Variants in SACS observed in about 807,000 individuals in gnomAD.
SACS encodes sacsin molecular chaperone, also known as sacsin.
Under a neutral mutation model 348.0 loss-of-function variants are expected in SACS, and 197 were observed. That is an observed-to-expected ratio of 0.57 (90% CI 0.50 to 0.64). The LOEUF (loss-of-function observed/expected upper bound fraction) is 0.64. Ranked by LOEUF, SACS falls within the 30% of genes least tolerant of loss-of-function variation. The pLI, the probability that SACS is intolerant of heterozygous loss-of-function variation, is 0.00. For synonymous variants in SACS, 1,985 were observed against 1,910.6 expected (o/e 1.04, Z -1.02); for missense variants, 4,999 against 5,360.8 (o/e 0.93, Z 2.11).
chr13:23,367,284 G>T lies in SACS; in HGVS notation c.345+1118C>A, dbSNP rs116906047. On this transcript the variant is annotated intron_variant, in intron 5 of 9. Coordinates refer to ENST00000382292, the MANE Select transcript of SACS (RefSeq NM_014363.6). ...TGCTGAAAGATGGACTGCTCCAACA[G>T]CCCAGTCTCACCATGATCACTAAAG... Among the ~76,000 whole-genome samples the T allele has an allele frequency of 3.1e-3, 477 of 152,290 alleles. 4 individuals carry two copies. Among genetic ancestry groups the T allele is most frequent in the Non-Finnish European group, 4.6e-3 (313 of 68,020 alleles).
At chr13:23,389,363 C>A (rs1399350473) in intron 2 of SACS, among the ~76,000 whole-genome samples, 2 of 152,050 alleles carry the variant, frequency 1.3e-5, no homozygotes, top group Non-Finnish European at 2.9e-5. Flanking sequence ...AACTGAATGT[C>A]TACTAATCAG....
intron 4 of SACS, among the ~76,000 whole-genome samples, chr13:23,370,188 C>T (rs1871298647): frequency 6.6e-6 from 1 of 152,208 alleles, no homozygotes; most frequent in African/African-American, 2.4e-5. Flanking sequence ...GCTCCATCCA[C>T]GCTTGTCTTC....
In SACS at chr13:23,336,087, T is replaced by C. The variant is rs1868564915; in HGVS notation, c.7789A>G (p.Thr2597Ala). 6.2e-7 allele frequency: 1 copy of C among 1,611,542 alleles called. No individual in the cohort carries two copies. Among genetic ancestry groups the C allele is most frequent in the Admixed American group, 1.7e-5 (1 of 59,904 alleles). ...ALCVYNNQPF[T>A]EDDVRGIQNL... ...TGAATTCCTCTAACATCATCTTCTGTAAATGGCTGGTTGTTGTACACACAA... is the reference window on the plus strand; with the variant it reads ...TGAATTCCTCTAACATCATCTTCTGCAAATGGCTGGTTGTTGTACACACAA... Residue 2597 changes from threonine (T) to alanine (A), a missense_variant, in exon 10 of 10, where the codon ACA becomes GCA. This residue lies in a region of SACS where 3,156 missense variants were observed against 3,380.1 expected (regional missense o/e 0.93). Coordinates refer to ENST00000382292, the MANE Select transcript of SACS (RefSeq NM_014363.6).
intron 2 of SACS, among the ~76,000 whole-genome samples, chr13:23,408,748 G>A (rs1323055421): frequency 6.6e-6 from 1 of 151,998 alleles, no homozygotes; most frequent in African/African-American, 2.4e-5. Context: ...GGTGGATCAC[G>A]AGGTCAGGAA....
chr13:23,388,879 T>A (rs68185340), intron 2 of SACS, among the ~76,000 whole-genome samples: 40,542 of 151,816 alleles, frequency 0.27, 5,942 homozygotes, highest in East Asian at 0.52. Flanking sequence ...CTAAAACTAT[T>A]AAAAATAAAT....
chr13:23,416,265 G>C (rs138791149), intron 1 of SACS, among the ~76,000 whole-genome samples: 1 of 136,888 alleles, frequency 7.3e-6, no homozygotes, highest in East Asian at 2.1e-4. Context: ...CTGGGGGACA[G>C]AGCCGACTCC....
chr13:23,431,223 T>C (rs550063974), intron 1 of SACS, among the ~76,000 whole-genome samples: 1 of 152,190 alleles, frequency 6.6e-6, no homozygotes, highest in Admixed American at 6.5e-5. Context: ...CTGAAGGAAA[T>C]TGAAAGATTA....
intron 1 of SACS, among the ~76,000 whole-genome samples, chr13:23,424,698 T>C (rs559945233): frequency 6.6e-6 from 1 of 152,290 alleles, no homozygotes; most frequent in South Asian, 2.1e-4. Flanking sequence ...TTTTGTAGAA[T>C]CTCAGATATG....
Position 23,355,786 on chromosome 13 carries a change from G to T in SACS, c.826C>A (p.Arg276Ser). 1 of 1,614,200 alleles carries T rather than the reference G, an allele frequency of 6.2e-7. No homozygotes were observed. Among genetic ancestry groups the T allele is most frequent in the Non-Finnish European group, 8.5e-7 (1 of 1,180,036 alleles). Residue 276 changes from arginine (R) to serine (S), a missense_variant, in exon 8 of 10, where the codon CGC becomes AGC. Arg to Ser is a moderately radical substitution (Grantham distance 110). Around this residue, in one of 6 missense-constraint regions of SACS, gnomAD observed 3,156 missense variants for 3,380.1 expected, o/e 0.93. Coordinates refer to ENST00000382292, the MANE Select transcript of SACS (RefSeq NM_014363.6). ...CTACTAAGTTGTGAAGGTTGTAGGC[G>T]AAGAGGGAAACGGAAAAATGTTCCT... ...FPGTFFRFPL[R>S]LQPSQLSSNL...
chr13:23,429,098 G>A (rs527614671), intron 1 of SACS, among the ~76,000 whole-genome samples: 1 of 151,990 alleles, frequency 6.6e-6, no homozygotes, highest in South Asian at 2.1e-4. Context: ...TGAATTGTAT[G>A]GTATGTGAAT....
intron 3 of SACS, chr13:23,374,127 G>C (rs1330547873): frequency 6.6e-6 from 1 of 152,192 alleles, no homozygotes; most frequent in Non-Finnish European, 1.5e-5. Flanking sequence ...AAATAATAAA[G>C]ACTTCAATCA....
rs189060003 is a variant in SACS at position 23,416,458 on chromosome 13, G to A, written c.-501-4718C>T. On this transcript the variant is annotated intron_variant, in intron 1 of 9. Transcript: ENST00000382292. ...GGCAAACTTGTGGAAGATTGATTAA[G>A]GTAAAAGAAAAAAAGTCAACCGGGC... Among the ~76,000 whole-genome samples, 109 of 152,004 alleles carry A rather than the reference G, an allele frequency of 7.2e-4. 1 individual carries two copies. Among genetic ancestry groups the A allele is most frequent in the African/African-American group, 2.5e-3 (104 of 41,494 alleles).
rs746704660 is a variant in SACS at position 23,355,192 on chromosome 13, G to A, written c.1420C>T (p.Arg474Cys). Residue 474 changes from arginine to cysteine, a missense_variant, in exon 8 of 10, where the codon CGC (arginine) becomes TGC (cysteine). Coordinates refer to ENST00000382292, the MANE Select transcript of SACS (RefSeq NM_014363.6). Reference protein sequence around the residue: ...ISGFFGLTDNRRSIKWRELDQ... With the variant: ...ISGFFGLTDNCRSIKWRELDQ... ...AGCTCTCTCCATTTTATGCTCCTGC[G>A]GTTATCAGTAAGGCCAAAGAACCCA... is the stretch of plus-strand genomic sequence containing the variant. The A allele has an allele frequency of 1.9e-6, 3 of 1,614,114 alleles. No homozygotes were observed. Among genetic ancestry groups the A allele is most frequent in the East Asian group, 2.2e-5 (1 of 44,886 alleles).
chr13:23,389,616 A>G (rs147173454), intron 2 of SACS, among the ~76,000 whole-genome samples: 6 of 152,320 alleles, frequency 3.9e-5, no homozygotes, highest in African/African-American at 1.4e-4. Context: ...TCTCAGCTGA[A>G]AGTCTGAGCT....
At chr13:23,375,042 C>T in intron 3 of SACS, 77 bp downstream of exon 3, 3 of 1,311,914 alleles carry the variant, frequency 2.3e-6, no homozygotes, top group South Asian at 4.1e-5. Flanking sequence ...AAACCTGCGT[C>T]GCCCACCCCG....
At chr13:23,374,994 G>A in intron 3 of SACS, 125 bp downstream of exon 3, 1 of 968,558 alleles carries the variant, frequency 1.0e-6, no homozygotes, top group Non-Finnish European at 1.4e-6. Flanking sequence ...GACAAGCACA[G>A]GCGGCCACGC....
chr13:23,432,771 TTGCGCTTGGGAAGCACGTGGATTCAACC>T (rs1341411106), intron 1 of SACS, among the ~76,000 whole-genome samples: 1 of 152,204 alleles, frequency 6.6e-6, no homozygotes, highest in Non-Finnish European at 1.5e-5. Flanking sequence ...TCAGAGCAGC[TTGCGCTTGGGAAGCACGTGGATTCAACC>T]TGGCTTCTGC....
chr13:23,375,702 A>G (rs1007499198), intron 2 of SACS, among the ~76,000 whole-genome samples: 3 of 148,084 alleles, frequency 2.0e-5, no homozygotes, highest in Non-Finnish European at 1.5e-5. Flanking sequence ...CGCCCAGTCA[A>G]GTTCTGTCTT....
chr13:23,339,318 G>C lies in SACS; in HGVS notation c.4558C>G (p.Pro1520Ala), dbSNP rs1180676075. 6.2e-7 allele frequency: 1 copy of C among 1,612,382 alleles called. No individual in the cohort carries two copies. Among genetic ancestry groups the C allele is most frequent in the Non-Finnish European group, 8.5e-7 (1 of 1,179,372 alleles). ...LDPGMAACHG[P>A]ALWSFNNSQF... is the part of the protein sequence containing the mutation. ...GAATTGTTGAATGACCACAAAGCAG[G>C]TCCATGACAAGCTGCCATCCCTGGG... Residue 1520 changes from proline (P) to alanine (A), a missense_variant, in exon 10 of 10, where the codon CCT (proline) becomes GCT (alanine). This residue lies in a region of SACS where 3,156 missense variants were observed against 3,380.1 expected (regional missense o/e 0.93). Transcript: ENST00000382292.
Sources: allele counts gnomAD v4.1 joint callset (sites outside exome capture counted in the v4.1 genomes callset), GRCh38; gene constraint gnomAD v4.1.1; regional missense constraint gnomAD v4.1.1; transcripts MANE v1.5; gene names NCBI Gene and HGNC (gene_info 2026-07-23, HGNC 2026-07-21).